The following DYNC1H1 variants were observed in gnomAD, a reference collection of about 807,000 sequenced individuals.
DYNC1H1 encodes dynein cytoplasmic 1 heavy chain 1, also known as cytoplasmic dynein 1 heavy chain 1.
In DYNC1H1, 51 loss-of-function variants were observed where a neutral mutation model predicts 527.1. The observed-to-expected ratio is 0.10, with a 90% confidence interval of 0.08 to 0.12. The LOEUF is 0.12. Among genes scored for constraint, DYNC1H1 ranks in the 10% least tolerant of loss-of-function variants. The probability of loss-of-function intolerance (pLI) is 1.00; values close to 1 mark genes in which losing one functional copy is unlikely to be tolerated. For missense variants in DYNC1H1, 2,771 were observed against 5,971.8 expected (o/e 0.46, Z 17.66); for synonymous variants, 2,189 against 2,278.8 (o/e 0.96, Z 1.12).
At position 102,041,545 on chromosome 14, in the gene DYNC1H1, C is replaced by A. The variant is rs756918163; in HGVS notation, c.11942-29C>A. 2.5e-6 allele frequency: 4 copies of A among 1,613,370 alleles called. No homozygotes were observed. The African/African-American group carries it at 5.3e-5, about 22-fold the overall frequency. ...GCGTCTCTGAGTCCATGCTTCCACCCAGCACCCACCCCTCTGTACCTGTTT... is the reference window on the plus strand; with the variant it reads ...GCGTCTCTGAGTCCATGCTTCCACCAAGCACCCACCCCTCTGTACCTGTTT... On this transcript the variant is annotated intron_variant, in intron 64 of 77. Transcript: ENST00000360184. The surrounding 1 kb of genome is among the most constrained non-coding windows in gnomAD (Gnocchi z 4.5).
rs772600809 is a variant in DYNC1H1, at chr14:102,039,102, C to T, written c.11308C>T (p.Leu3770=). Residue 3770 remains leucine, a synonymous_variant, in exon 60 of 78, where the codon CTG becomes TTG. Coordinates refer to ENST00000360184, the MANE Select transcript of DYNC1H1 (RefSeq NM_001376.5). This position sits in a 1 kb window ranked among gnomAD's most constrained non-coding sequence, Gnocchi z 7.0. The part of the protein sequence containing the change: ...ILDDDTIITT[L]ENLKREAAEV... ...GGATGACGACACGATCATAACCACT[C>T]TGGAGAACCTGAAGAGAGAGGCTGC... The T allele has an allele frequency of 1.2e-6, 2 of 1,614,254 alleles. No individual in the cohort carries two copies. Among genetic ancestry groups the T allele is most frequent in the Admixed American group, 3.3e-5 (2 of 60,026 alleles).
In DYNC1H1 at chr14:102,022,823, C is replaced by T; in HGVS notation, c.8580C>T (p.Asn2860=). The T allele has an allele frequency of 6.2e-7, 1 of 1,614,246 alleles. No homozygotes were observed. The highest frequency in any genetic ancestry group is 8.5e-7 in the Non-Finnish European group (1 of 1,180,056). ...IDTVALKHFP[N]IDREKAMSRP... ...CGGTTGCTCTGAAGCACTTCCCTAA[C>T]ATCGACAGAGAGAAGGCAATGAGCC... The change falls in exon 43 of 78, where the codon AAC becomes AAT. Residue 2860 remains asparagine (N), a synonymous_variant. Coordinates refer to ENST00000360184, the MANE Select transcript of DYNC1H1 (RefSeq NM_001376.5).
chr14:102,034,348 G>C lies in DYNC1H1; in HGVS notation c.10650G>C (p.Thr3550=). ...NIQFRTDIAR[T]EYLSNADERL... ...AGTTCCGTACAGATATTGCCAGGAC[G>C]GAATACCTTTCCAATGCTGATGAGC... Residue 3550 remains threonine, a synonymous_variant, in exon 56 of 78, where the codon ACG becomes ACC. Transcript: ENST00000360184. 6.2e-7 allele frequency: 1 copy of C among 1,614,210 alleles called. No homozygotes were observed.
intron 15 of DYNC1H1, among the ~76,000 whole-genome samples, chr14:101,996,584 G>T (rs1387785379): frequency 6.6e-6 from 1 of 152,144 alleles, no homozygotes; most frequent in Non-Finnish European, 1.5e-5. Flanking sequence ...GATGTCTTAG[G>T]ATGGATGGTT....
rs956924109 is a variant in DYNC1H1 at position 102,002,000 on chromosome 14, T to C, written c.4542+319T>C. On this transcript the variant is annotated intron_variant, in intron 21 of 77. Coordinates refer to ENST00000360184, the MANE Select transcript of DYNC1H1 (RefSeq NM_001376.5). The surrounding 1 kb of genome is among the most constrained non-coding windows in gnomAD (Gnocchi z 5.0). ...ATTGCCCAGGCTGGTCTCGAACTCCTGGGCTTAAGCAGTCCTTCTGCACTG... is the reference window on the plus strand; with the variant it reads ...ATTGCCCAGGCTGGTCTCGAACTCCCGGGCTTAAGCAGTCCTTCTGCACTG... Among the ~76,000 whole-genome samples, 2 of 152,192 alleles carry C rather than the reference T, an allele frequency of 1.3e-5. No homozygotes were observed. The highest frequency in any genetic ancestry group is 4.8e-5 in the African/African-American group (2 of 41,448).
rs887629757 is a variant in DYNC1H1 at position 101,985,407 on chromosome 14, C to T, written c.1462-280C>T. ...TGGCGTGATCTTGGCTCACTGCAAC[C>T]TCTGCCTCCCGGGTTCAAGCGATTC... is the stretch of plus-strand genomic sequence containing the variant. On this transcript the variant is annotated intron_variant, in intron 7 of 77. Transcript: ENST00000360184. This position sits in a 1 kb window ranked among gnomAD's most constrained non-coding sequence, Gnocchi z 5.9. Among the ~76,000 whole-genome samples the T allele has an allele frequency of 1.1e-4, 17 of 152,064 alleles. No individual in the cohort carries two copies. Among genetic ancestry groups the T allele is most frequent in the African/African-American group, 4.1e-4 (17 of 41,410 alleles).
chr14:101,974,827 C>T (rs911253224), intron 1 of DYNC1H1, among the ~76,000 whole-genome samples: 3 of 152,210 alleles, frequency 2.0e-5, no homozygotes, highest in Admixed American at 6.5e-5. Flanking sequence ...GCCACCAGCC[C>T]GGCCTCCGTA....
At position 101,966,066 on chromosome 14, in the gene DYNC1H1, T is replaced by C. The variant is rs17511886; in HGVS notation, c.256+1119T>C. Among the ~76,000 whole-genome samples the C allele has an allele frequency of 1.6e-3, 248 of 152,272 alleles. 1 individual carries two copies. Among genetic ancestry groups the C allele is most frequent in the African/African-American group, 5.7e-3 (235 of 41,566 alleles). ...GATGTCCAAGGTTAGCCTCTAGGGA[T>C]TGGAGATTGTCTAAAAATATTTGCC... On this transcript the variant is annotated intron_variant, in intron 1 of 77. Coordinates refer to ENST00000360184, the MANE Select transcript of DYNC1H1 (RefSeq NM_001376.5).
chr14:102,049,881 G>C lies in DYNC1H1; in HGVS notation c.13683G>C (p.Thr4561=). 6.2e-7 allele frequency: 1 copy of C among 1,608,604 alleles called. No homozygotes were observed. The highest frequency in any genetic ancestry group is 1.3e-5 in the African/African-American group (1 of 74,940). ...ATLDACSFGV[T]GLKLQGATCN... Reference sequence around the variant, plus strand: ...TTGACGCTTGCAGCTTCGGAGTCACGGGTGAGTGGAGTCTCACAGAAAATA... The same window carrying C: ...TTGACGCTTGCAGCTTCGGAGTCACCGGTGAGTGGAGTCTCACAGAAAATA... The change falls in exon 76 of 78, where the codon ACG becomes ACC. Residue 4561 remains threonine (T), a splice_region_variant and synonymous_variant. Transcript: ENST00000360184. The surrounding 1 kb of genome is among the most constrained non-coding windows in gnomAD (Gnocchi z 5.5).
intron 72 of DYNC1H1, among the ~76,000 whole-genome samples, chr14:102,047,048 G>A (rs764724645): frequency 3.3e-5 from 5 of 152,136 alleles, no homozygotes; most frequent in African/African-American, 7.2e-5. Flanking sequence ...TCCCGCTTCC[G>A]CCTCCCACAG....
At chr14:101,994,597 A>G (rs1045325009) in intron 12 of DYNC1H1, 76 bp from the exon 13 acceptor site, 5 of 1,564,684 alleles carry the variant, frequency 3.2e-6, no homozygotes, top group African/African-American at 2.7e-5. Flanking sequence ...TCTTAATGGA[A>G]TGTGAACATA....
chr14:101,975,637 T>G (rs1470524491), intron 1 of DYNC1H1, 75 bp from the exon 2 acceptor site: 2 of 1,337,446 alleles, frequency 1.5e-6, no homozygotes, highest in African/African-American at 2.9e-5. Context: ...GAGAAAATAG[T>G]CATTGTCTAA....
rs745416442 is a variant in DYNC1H1 at position 102,011,275 on chromosome 14, AATCGCTG to A, written c.6618+327_6618+333del. 21 of 410,956 alleles carry A rather than the reference AATCGCTG, an allele frequency of 5.1e-5. No homozygotes were observed. Among genetic ancestry groups the A allele is most frequent in the Non-Finnish European group, 8.7e-5 (19 of 218,340 alleles). The allele number at this position is 410,956 out of a possible 1,614,324, so 25.5% of individuals were successfully genotyped here. The stretch of plus-strand genomic sequence containing the variant: ...TCCAGTGCCAGAGATGAACAACCTG[AATCGCTG>A]ATCAATACGTAGTTTACATTCTGTA... On this transcript the variant is annotated intron_variant, in intron 32 of 77. Transcript: ENST00000360184. The surrounding 1 kb of genome is among the most constrained non-coding windows in gnomAD (Gnocchi z 5.3).
At chr14:102,021,098 C>T (rs1193963672) in intron 42 of DYNC1H1, among the ~76,000 whole-genome samples, 1 of 152,168 alleles carries the variant, frequency 6.6e-6, no homozygotes, top group Non-Finnish European at 1.5e-5. Context: ...AAAAAATTGG[C>T]TGGGCATAGT....
chr14:102,032,415 A>C lies in DYNC1H1; in HGVS notation c.10027A>C (p.Met3343Leu), dbSNP rs769196812. The change falls in exon 52 of 78, where the codon ATG becomes CTG. Residue 3343 changes from methionine to leucine, a missense_variant. Around this residue, in one of 32 missense-constraint regions of DYNC1H1, gnomAD observed 283 missense variants for 737.6 expected, o/e 0.38. Transcript: ENST00000360184. ...CTGGAAGCAGATCCGCTCCATCATC[A>C]TGCGGGAGAACTTCATCCCCACCAT... ...TDWKQIRSII[M>L]RENFIPTIVN... 1 of 1,614,094 alleles carries C rather than the reference A, an allele frequency of 6.2e-7. No homozygotes were observed. The highest frequency in any genetic ancestry group is 1.3e-5 in the African/African-American group (1 of 74,930).
rs368864874 is a variant in DYNC1H1, at chr14:102,010,472, C to T, written c.6405+13C>T. The stretch of plus-strand genomic sequence containing the variant: ...CCCTGAACAAGAGGTTCGTTACAAA[C>T]GTTTTGATCACTCAAACCTTATACG... On this transcript the variant is annotated intron_variant, in intron 31 of 77. Transcript: ENST00000360184. The surrounding 1 kb of genome is among the most constrained non-coding windows in gnomAD (Gnocchi z 6.0). The T allele has an allele frequency of 2.9e-5, 46 of 1,613,666 alleles. No individual in the cohort carries two copies. The highest frequency in any genetic ancestry group is 3.3e-4 in the Middle Eastern group (2 of 6,028).
intron 5 of DYNC1H1, 131 bp downstream of exon 5, chr14:101,980,681 A>C: frequency 2.0e-6 from 2 of 1,023,712 alleles, no homozygotes; most frequent in African/African-American, 1.6e-5. Flanking sequence ...CCTTTCTTAC[A>C]TCACATCTTA....
At chr14:102,040,190 G>T (rs1461968000) in intron 62 of DYNC1H1, 46 bp from the exon 63 acceptor site, 6 of 1,609,350 alleles carry the variant, frequency 3.7e-6, no homozygotes, top group Non-Finnish European at 5.1e-6. Flanking sequence ...AGTGACAGTG[G>T]GAGTGAACGT....
At position 102,043,870 on chromosome 14, in the gene DYNC1H1, A is replaced by G. The variant is rs774476953; in HGVS notation, c.12514-5A>G. On this transcript the variant is annotated splice_region_variant and splice_polypyrimidine_tract_variant and intron_variant, in intron 69 of 77. Transcript: ENST00000360184. ...GACTCTGTGCTTGGTCACTTTCCTC[A>G]CCAGTCTCCCAACGAGCGTGCCCGC... 3 of 1,613,938 alleles carry G rather than the reference A, an allele frequency of 1.9e-6. No individual in the cohort carries two copies. The East Asian group carries it at 6.7e-5, about 36-fold the overall frequency.
Sources: gnomAD v4.1 joint callset for allele counts (sites outside exome capture counted in the v4.1 genomes callset) on GRCh38, gnomAD v4.1.1 for gene constraint, gnomAD v4.1.1 regional missense constraint, Gnocchi (gnomAD v3.1) non-coding constraint, MANE v1.5 for transcripts, NCBI Gene and HGNC (gene_info 2026-07-23, HGNC 2026-07-21) for gene names.